SGCZ: variants seen among roughly 807,000 people sequenced by gnomAD.
SGCZ encodes zeta-sarcoglycan.
Under a neutral mutation model 41.3 loss-of-function variants are expected in SGCZ, and 40 were observed. The ratio of observed to expected loss-of-function variants is 0.97; its 90% CI spans 0.75 to 1.26. SGCZ has a LOEUF of 1.26. SGCZ is among the 50% of genes most tolerant of loss of function. SGCZ has a pLI of 0.00. For synonymous variants in SGCZ, 206 were observed against 137.5 expected (o/e 1.50, Z -3.49); for missense variants, 552 against 369.8 (o/e 1.49, Z -4.04).
intron 1 of SGCZ, among the ~76,000 whole-genome samples, chr8:14,786,870 A>C (rs1308084940): frequency 6.6e-6 from 1 of 151,522 alleles, no homozygotes; most frequent in South Asian, 2.1e-4. Flanking sequence ...ACATAGATTA[A>C]GTAAGTCTTA....
intron 1 of SGCZ, among the ~76,000 whole-genome samples, chr8:14,743,108 T>C (rs573489846): frequency 1.3e-5 from 2 of 152,100 alleles, no homozygotes; most frequent in Non-Finnish European, 2.9e-5. Flanking sequence ...ATCAGCACAT[T>C]CTTTAAGAAT....
At chr8:15,058,696 G>A (rs1332551413) in intron 1 of SGCZ, among the ~76,000 whole-genome samples, 3 of 152,138 alleles carry the variant, frequency 2.0e-5, no homozygotes, top group Non-Finnish European at 4.4e-5. Flanking sequence ...TGACAACTAG[G>A]ATATCCTGTC....
intron 1 of SGCZ, among the ~76,000 whole-genome samples, chr8:15,176,881 G>A (rs867578892): frequency 1.3e-5 from 2 of 152,216 alleles, no homozygotes; most frequent in Middle Eastern, 6.8e-3. Context: ...GGCGCCTGTA[G>A]TCCCAGCTAC....
chr8:14,493,674 C>T lies in SGCZ; in HGVS notation c.234+61058G>A, dbSNP rs539498599. On this transcript the variant is annotated intron_variant, in intron 2 of 7. Transcript: ENST00000382080. Reference sequence around the variant, plus strand: ...AGTCACCGTTCCTGGCCCTACTATCCCATATTTATATAATCAGCTCTTAAT... The same window carrying T: ...AGTCACCGTTCCTGGCCCTACTATCTCATATTTATATAATCAGCTCTTAAT... 5.1e-4 allele frequency among the ~76,000 whole-genome samples: 77 copies of T among 151,782 alleles called. No individual in the cohort carries two copies. The South Asian group carries it at 0.016, about 31-fold the overall frequency.
At chr8:15,201,556 A>G (rs2117135184) in intron 1 of SGCZ, among the ~76,000 whole-genome samples, 1 of 152,324 alleles carries the variant, frequency 6.6e-6, no homozygotes, top group African/African-American at 2.4e-5. Flanking sequence ...TACTGCTGTC[A>G]CTGTTGGAAC....
chr8:14,807,352 T>A (rs1801573016), intron 1 of SGCZ, among the ~76,000 whole-genome samples: 1 of 152,156 alleles, frequency 6.6e-6, no homozygotes, highest in Admixed American at 6.5e-5. Flanking sequence ...GCCCAAAATC[T>A]CCTTAAGCTG....
At chr8:14,879,383 A>T (rs74387618) in intron 1 of SGCZ, 1 of 152,078 alleles carries the variant, frequency 6.6e-6, no homozygotes. Flanking sequence ...ACAACAAAAC[A>T]AAAGAAAACT....
At chr8:14,568,785 G>C (rs561786401) in intron 1 of SGCZ, among the ~76,000 whole-genome samples, 1 of 152,148 alleles carries the variant, frequency 6.6e-6, no homozygotes, top group Non-Finnish European at 1.5e-5. Context: ...GAGAATCACC[G>C]TAGTGCCATT....
At chr8:15,014,316 C>T (rs1354365342) in intron 1 of SGCZ, among the ~76,000 whole-genome samples, 8 of 152,196 alleles carry the variant, frequency 5.3e-5, no homozygotes, top group Non-Finnish European at 1.5e-5. Flanking sequence ...CCCCCCAAGG[C>T]ATTGATGCCA....
At chr8:15,147,354 C>T (rs371259209) in intron 1 of SGCZ, among the ~76,000 whole-genome samples, 1 of 152,166 alleles carries the variant, frequency 6.6e-6, no homozygotes, top group South Asian at 2.1e-4. Context: ...TTTTGGCTCA[C>T]CACAACCTCC....
intron 1 of SGCZ, among the ~76,000 whole-genome samples, chr8:14,915,423 A>C (rs552748258): frequency 1.3e-5 from 2 of 152,240 alleles, no homozygotes; most frequent in African/African-American, 4.8e-5. Flanking sequence ...TCGTTTCCTA[A>C]CAATGAGCAG....
At chr8:14,699,253 T>C (rs1809061119) in intron 1 of SGCZ, among the ~76,000 whole-genome samples, 1 of 150,322 alleles carries the variant, frequency 6.7e-6, no homozygotes, top group African/African-American at 2.4e-5. Context: ...CATATATATA[T>C]ACCAATCTTT....
chr8:14,134,939 T>C (rs1803152286), intron 5 of SGCZ, among the ~76,000 whole-genome samples: 1 of 152,204 alleles, frequency 6.6e-6, no homozygotes, highest in African/African-American at 2.4e-5. Context: ...CATAAATTAT[T>C]ATGTTATTAT....
At chr8:14,705,280 G>T (rs2117609528) in intron 1 of SGCZ, among the ~76,000 whole-genome samples, 1 of 152,028 alleles carries the variant, frequency 6.6e-6, no homozygotes, top group African/African-American at 2.4e-5. Flanking sequence ...TAGGCATAAA[G>T]GGTTTTTGTC....
At chr8:14,346,186 AACT>A (rs1563270860) in intron 2 of SGCZ, among the ~76,000 whole-genome samples, 1 of 152,072 alleles carries the variant, frequency 6.6e-6, no homozygotes, top group Non-Finnish European at 1.5e-5. Flanking sequence ...TAATAGGAGA[AACT>A]GGGGTTGTGG....
intron 1 of SGCZ, among the ~76,000 whole-genome samples, chr8:15,066,965 A>G (rs1805173940): frequency 1.3e-5 from 2 of 152,358 alleles, no homozygotes; most frequent in South Asian, 4.1e-4. Flanking sequence ...TGAGATTTGC[A>G]TAAGATAGGA....
At chr8:14,417,597 C>T (rs34654887) in intron 2 of SGCZ, among the ~76,000 whole-genome samples, 6,911 of 151,692 alleles carry the variant, frequency 0.046, 238 homozygotes, top group Admixed American at 0.11. Flanking sequence ...ACCTAATTGT[C>T]ACATAGAAGT....
intron 1 of SGCZ, among the ~76,000 whole-genome samples, chr8:15,119,794 A>T (rs543350495): frequency 6.6e-6 from 1 of 151,994 alleles, no homozygotes; most frequent in South Asian, 2.1e-4. Flanking sequence ...TCTGGCCCTA[A>T]CACTTCTCAA....
At chr8:14,106,134 T>C (rs1171357384) in intron 6 of SGCZ, among the ~76,000 whole-genome samples, 1 of 152,188 alleles carries the variant, frequency 6.6e-6, no homozygotes, top group Non-Finnish European at 1.5e-5. Context: ...TTTCAGTAAT[T>C]CACATTAACA....
Sources: allele counts gnomAD v4.1 joint callset (sites outside exome capture counted in the v4.1 genomes callset), GRCh38; gene constraint gnomAD v4.1.1; transcripts MANE v1.5; gene names NCBI Gene and HGNC (gene_info 2026-07-23, HGNC 2026-07-21).